Variants in NRG1 observed in about 807,000 individuals in gnomAD.
NRG1 encodes the protein neuregulin 1, also known as pro-neuregulin-1, membrane-bound isoform.
In NRG1, 18 loss-of-function variants were observed where a neutral mutation model predicts 63.8. That is an observed-to-expected ratio of 0.28 (90% CI 0.19 to 0.42). NRG1 has a LOEUF of 0.42. Among genes scored for constraint, NRG1 ranks in the 10% least tolerant of loss-of-function variants. The pLI, the probability that NRG1 is intolerant of heterozygous loss-of-function variation, is 1.00. For missense variants in NRG1, 762 were observed against 814.7 expected (o/e 0.94, Z 0.79); for synonymous variants, 302 against 301.3 (o/e 1.00, Z -0.02).
chr8:31,910,643 C>T (rs142418432), intron 1 of NRG1, among the ~76,000 whole-genome samples: 41 of 152,090 alleles, frequency 2.7e-4, no homozygotes, highest in South Asian at 1.0e-3. Flanking sequence ...GGCTAGAGCT[C>T]AAAGGAGAAG....
intron 1 of NRG1, among the ~76,000 whole-genome samples, chr8:31,823,755 A>G (rs965231221): frequency 6.6e-6 from 1 of 152,240 alleles, no homozygotes; most frequent in Non-Finnish European, 1.5e-5. Context: ...AGTAACTTTG[A>G]TTATTGCAAT....
intron 1 of NRG1, among the ~76,000 whole-genome samples, chr8:32,361,502 A>G (rs75917393): frequency 0.058 from 8,889 of 152,202 alleles, 321 homozygotes; most frequent in Middle Eastern, 0.099. Context: ...TGTTCCAGGA[A>G]AACATTACTT....
intron 6 of NRG1, 165 bp downstream of exon 6, chr8:32,728,243 ACTC>A (rs2129015351): frequency 2.0e-6 from 2 of 984,872 alleles, no homozygotes. Context: ...ATTCGTCATC[ACTC>A]CTCTGTCATA....
chr8:32,279,480 GT>G (rs1250612467), intron 1 of NRG1, among the ~76,000 whole-genome samples: 2 of 152,158 alleles, frequency 1.3e-5, no homozygotes, highest in Non-Finnish European at 2.9e-5. Context: ...AGCCTCCCAA[GT>G]AGCTGGGATT....
chr8:32,556,565 G>T (rs1835206210), intron 1 of NRG1, among the ~76,000 whole-genome samples: 1 of 152,104 alleles, frequency 6.6e-6, no homozygotes, highest in Admixed American at 6.5e-5. Context: ...GAATAATCCT[G>T]GCTTTAGTTA....
intron 5 of NRG1, among the ~76,000 whole-genome samples, chr8:32,696,656 C>CTTT (rs143232293): frequency 1.2e-5 from 1 of 86,592 alleles, no homozygotes; most frequent in Admixed American, 1.2e-4. Context: ...TATAATCTAT[C>CTTT]TTTTTTTTTT....
At chr8:32,644,893 A>G (rs143273639) in intron 5 of NRG1, among the ~76,000 whole-genome samples, 226 of 151,736 alleles carry the variant, frequency 1.5e-3, no homozygotes, top group African/African-American at 5.3e-3. Flanking sequence ...CCACTTTTCT[A>G]AACTATGGGT....
chr8:32,716,046 A>G (rs1357656284), intron 5 of NRG1, among the ~76,000 whole-genome samples: 1 of 152,140 alleles, frequency 6.6e-6, no homozygotes, highest in Non-Finnish European at 1.5e-5. Context: ...AGGCATCACT[A>G]CAACCAGCCT....
chr8:31,970,223 A>G (rs1051497463), intron 1 of NRG1, among the ~76,000 whole-genome samples: 6 of 152,160 alleles, frequency 3.9e-5, no homozygotes, highest in Non-Finnish European at 5.9e-5. Context: ...TTCTCAGTAA[A>G]TTCAGATATA....
At chr8:32,116,915 G>A (rs1175620252) in intron 1 of NRG1, among the ~76,000 whole-genome samples, 1 of 143,882 alleles carries the variant, frequency 7.0e-6, no homozygotes, top group African/African-American at 2.6e-5. Flanking sequence ...GCCGAGGTAG[G>A]ATGATTGTTA....
chr8:31,809,910 A>C (rs1425971341), intron 1 of NRG1, among the ~76,000 whole-genome samples: 1 of 151,120 alleles, frequency 6.6e-6, no homozygotes, highest in Non-Finnish European at 1.5e-5. Context: ...TCATGAATCC[A>C]ACTGCTATTC....
In NRG1 at chr8:32,586,972, G is replaced by T. The variant is rs186713824; in HGVS notation, c.101-8856G>T. ...AATCCCAGCACTTTGGGAGGCTAGA[G>T]CAAGAGGATTCCTTGAAGAGGATTG... On this transcript the variant is annotated intron_variant, in intron 1 of 11. Coordinates refer to ENST00000356819, the Ensembl canonical transcript of NRG1. 3.1e-3 allele frequency among the ~76,000 whole-genome samples: 474 copies of T among 152,272 alleles called. 2 individuals carry two copies. Among genetic ancestry groups the T allele is most frequent in the African/African-American group, 0.011 (462 of 41,550 alleles).
intron 1 of NRG1, among the ~76,000 whole-genome samples, chr8:31,657,251 T>G (rs1805518671): frequency 6.6e-6 from 1 of 152,192 alleles, no homozygotes; most frequent in Non-Finnish European, 1.5e-5. Context: ...ACAGTGTAAA[T>G]AAGCTAAGTG....
intron 1 of NRG1, among the ~76,000 whole-genome samples, chr8:31,810,673 C>G (rs1314790314): frequency 6.6e-6 from 1 of 152,212 alleles, no homozygotes; most frequent in Non-Finnish European, 1.5e-5. Context: ...CATCCACTGT[C>G]CCTCTTTATC....
intron 1 of NRG1, among the ~76,000 whole-genome samples, chr8:31,910,188 C>CA (rs1264822138): frequency 6.6e-6 from 1 of 152,134 alleles, no homozygotes; most frequent in Non-Finnish European, 1.5e-5. Flanking sequence ...AAGAATGTTC[C>CA]AGGCTACAAG....
intron 11 of NRG1, among the ~76,000 whole-genome samples, chr8:32,762,183 G>A (rs1268397082): frequency 1.3e-5 from 2 of 151,926 alleles, no homozygotes; most frequent in African/African-American, 2.4e-5. Context: ...TGAAAAAGTA[G>A]GCAGGGTTTA....
At chr8:32,765,776 C>T (rs1488324230) in exon 12 of NRG1, 2 of 152,128 alleles carry the variant, frequency 1.3e-5, no homozygotes, top group Non-Finnish European at 2.9e-5. Flanking sequence ...GCTCTCTCAC[C>T]CATTTCCCCC....
intron 1 of NRG1, among the ~76,000 whole-genome samples, chr8:32,042,641 G>C (rs182615676): frequency 5.6e-4 from 85 of 152,154 alleles, no homozygotes; most frequent in African/African-American, 2.0e-3. Context: ...ATGTTCCAAT[G>C]AGTAAGGGCA....
intron 1 of NRG1, among the ~76,000 whole-genome samples, chr8:32,116,823 T>C (rs998200086): frequency 6.6e-6 from 1 of 151,968 alleles, no homozygotes; most frequent in Non-Finnish European, 1.5e-5. Context: ...TTCTATAATT[T>C]AAGTTTTGGT....
Sources: allele counts gnomAD v4.1 joint callset (sites outside exome capture counted in the v4.1 genomes callset), GRCh38; gene constraint gnomAD v4.1.1; transcripts MANE v1.5; gene names NCBI Gene and HGNC (gene_info 2026-07-23, HGNC 2026-07-21).